Variants in MAGI1 observed in about 807,000 individuals in gnomAD.
MAGI1 encodes membrane associated guanylate kinase, WW and PDZ domain containing 1.
A neutral mutation model predicts 139.9 loss-of-function variants in MAGI1; 58 were observed. That is an observed-to-expected ratio of 0.41 (90% CI 0.34 to 0.52). MAGI1 has a LOEUF of 0.52. MAGI1 is among the 20% of genes least tolerant of loss of function. The pLI is 0.12. For missense variants in MAGI1, 1,874 were observed against 1,901.6 expected, an observed-to-expected ratio of 0.99 and a Z score of 0.27; for synonymous variants, 812 against 737.9, an observed-to-expected ratio of 1.10 and a Z score of -1.63.
chr3:65,469,874 A>C (rs1950442196), intron 5 of MAGI1: 1 of 149,072 alleles, frequency 6.7e-6, no homozygotes, highest in South Asian at 2.1e-4. Flanking sequence ...AGTTCAATTA[A>C]GAAAAAAAAG....
intron 2 of MAGI1, among the ~76,000 whole-genome samples, chr3:65,618,543 A>G (rs913096975): frequency 1.3e-5 from 2 of 152,044 alleles, no homozygotes; most frequent in Non-Finnish European, 2.9e-5. Context: ...AAGCAACTAG[A>G]GCTCTAAATT....
chr3:66,015,144 A>T (rs1576467125), intron 1 of MAGI1, among the ~76,000 whole-genome samples: 1 of 149,032 alleles, frequency 6.7e-6, no homozygotes, highest in Admixed American at 6.8e-5. Flanking sequence ...GGAGTTCAAG[A>T]CCAGCCTAGG....
In MAGI1 at chr3:65,530,724, C is replaced by CACATATATAT. The variant is rs1416487153; in HGVS notation, c.431-37094_431-37093insATATATATGT. 2.9e-3 allele frequency among the ~76,000 whole-genome samples: 302 copies of CACATATATAT among 104,506 alleles called. 27 individuals carry two copies. The highest frequency in any genetic ancestry group is 0.01 in the African/African-American group (279 of 26,848). 68.6% of individuals were successfully genotyped at this position (104,506 alleles called of 152,430 possible). A position where few individuals can be genotyped will look rare whatever the true frequency, so the allele number is the denominator to read the frequency against. Reference sequence around the variant, plus strand: ...ACACATATACACGTGTATATATATACACACGTATATATATATGCACATATA... The same window carrying CACATATATAT: ...ACACATATACACGTGTATATATATACACATATATATACACGTATATATATATGCACATATA... On this transcript the variant is annotated intron_variant, in intron 2 of 22. Coordinates refer to ENST00000402939, the MANE Select transcript of MAGI1 (RefSeq NM_001033057.2).
intron 1 of MAGI1, among the ~76,000 whole-genome samples, chr3:65,835,331 A>T (rs775805657): frequency 6.6e-6 from 1 of 152,244 alleles, no homozygotes; most frequent in African/African-American, 2.4e-5. Flanking sequence ...AACTACAGTT[A>T]TATGATAAGG....
intron 22 of MAGI1, chr3:65,360,043 AT>A (rs929734058): frequency 3.0e-6 from 3 of 985,348 alleles, no homozygotes; most frequent in Non-Finnish European, 3.6e-6. Flanking sequence ...GCCTTGTCTA[AT>A]ACCCACCCTC....
At chr3:65,608,459 G>T (rs143519265) in intron 2 of MAGI1, among the ~76,000 whole-genome samples, 48 of 151,734 alleles carry the variant, frequency 3.2e-4, no homozygotes, top group Non-Finnish European at 4.9e-4. Flanking sequence ...AACAAAAAAC[G>T]GACAAATGGA....
intron 2 of MAGI1, among the ~76,000 whole-genome samples, chr3:65,536,430 C>G (rs1469993834): frequency 2.0e-5 from 3 of 152,026 alleles, no homozygotes; most frequent in Non-Finnish European, 2.9e-5. Context: ...GGTATTTGTA[C>G]AAAAAAGATA....
intron 1 of MAGI1, among the ~76,000 whole-genome samples, chr3:65,806,836 C>G (rs2040890276): frequency 6.6e-6 from 1 of 152,126 alleles, no homozygotes; most frequent in South Asian, 2.1e-4. Flanking sequence ...AAAAACTGTT[C>G]CAGACATTCC....
chr3:65,387,091 T>C, intron 14 of MAGI1: 1 of 1,509,800 alleles, frequency 6.6e-7, no homozygotes, highest in Non-Finnish European at 9.2e-7. Context: ...AATGAGAACA[T>C]CAAACAAGAT....
chr3:65,964,877 T>A (rs990367744), intron 1 of MAGI1, among the ~76,000 whole-genome samples: 1 of 152,206 alleles, frequency 6.6e-6, no homozygotes, highest in Non-Finnish European at 1.5e-5. Flanking sequence ...GTCCCCTTTT[T>A]GTGGATGTCC....
At chr3:65,857,219 A>G (rs868146806) in intron 1 of MAGI1, among the ~76,000 whole-genome samples, 1 of 152,222 alleles carries the variant, frequency 6.6e-6, no homozygotes, top group Non-Finnish European at 1.5e-5. Context: ...AAGGACTGGC[A>G]AGTAGTTTCC....
At chr3:65,748,624 T>C (rs1324367804) in intron 1 of MAGI1, among the ~76,000 whole-genome samples, 1 of 152,182 alleles carries the variant, frequency 6.6e-6, no homozygotes, top group African/African-American at 2.4e-5. Context: ...ACCTACTGTG[T>C]GCCACATCTG....
chr3:65,843,667 C>A (rs558572148), intron 1 of MAGI1, among the ~76,000 whole-genome samples: 8 of 152,148 alleles, frequency 5.3e-5, no homozygotes, highest in Non-Finnish European at 1.0e-4. Context: ...CTCTCCTCAT[C>A]AGGTTCCTGG....
chr3:65,385,059 G>A (rs2106930348), intron 14 of MAGI1, among the ~76,000 whole-genome samples: 1 of 152,208 alleles, frequency 6.6e-6, no homozygotes, highest in Admixed American at 6.5e-5. Flanking sequence ...CTTTACTCTA[G>A]AATTTGCCTA....
chr3:65,494,385 G>A (rs1427033673), intron 2 of MAGI1, among the ~76,000 whole-genome samples: 1 of 152,130 alleles, frequency 6.6e-6, no homozygotes, highest in Non-Finnish European at 1.5e-5. Context: ...TCCAGCTCAG[G>A]TGCTGGGCTA....
intron 1 of MAGI1, among the ~76,000 whole-genome samples, chr3:65,918,128 A>G: frequency 6.9e-6 from 1 of 145,226 alleles, no homozygotes; most frequent in East Asian, 2.0e-4. Context: ...ACTCAGAAAA[A>G]TAAAAGAATG....
intron 1 of MAGI1, among the ~76,000 whole-genome samples, chr3:65,965,537 G>C (rs2064697219): frequency 6.6e-6 from 1 of 152,158 alleles, no homozygotes; most frequent in African/African-American, 2.4e-5. Flanking sequence ...ACACCTGATA[G>C]AGACTTACTT....
Position 65,661,745 on chromosome 3 carries a change from G to GTTTTTTT in MAGI1, c.314-39664_314-39658dup, listed in dbSNP as rs11369893. On this transcript the variant is annotated intron_variant, in intron 1 of 22. Transcript: ENST00000402939. ...TTTTTTTGTTGTTTTGTTTTTTTCT[G>GTTTTTTT]TTTTTTTTTTTTTTTTTTTTGAGAT... Among the ~76,000 whole-genome samples, 74 of 93,912 alleles carry GTTTTTTT rather than the reference G, an allele frequency of 7.9e-4. 1 individual carries two copies. Among genetic ancestry groups the GTTTTTTT allele is most frequent in the African/African-American group, 2.5e-3 (60 of 23,654 alleles). 61.6% of individuals were successfully genotyped at this position (93,912 alleles called of 152,430 possible).
intron 1 of MAGI1, among the ~76,000 whole-genome samples, chr3:65,896,600 A>C (rs535512396): frequency 6.6e-6 from 1 of 152,164 alleles, no homozygotes. Context: ...GCTGGAGCCC[A>C]TAAGTTTGAA....
Sources: gnomAD v4.1 joint callset for allele counts (sites outside exome capture counted in the v4.1 genomes callset) on GRCh38, gnomAD v4.1.1 for gene constraint, MANE v1.5 for transcripts, NCBI Gene and HGNC (gene_info 2026-07-23, HGNC 2026-07-21) for gene names.